The following TMEM185A variants were observed in gnomAD, a reference collection of about 807,000 sequenced individuals.
TMEM185A encodes family with sequence similarity 11, member A.
TMEM185A carries 9 observed loss-of-function variants against 25.0 expected under a neutral mutation model. The observed-to-expected ratio is 0.36, with a 90% CI of 0.22 to 0.63. The LOEUF is 0.63. TMEM185A is among the 20% of genes least tolerant of loss of function. The probability of loss-of-function intolerance (pLI) is 0.68; values close to 1 mark genes in which losing one functional copy is unlikely to be tolerated. For missense variants in TMEM185A, 103 were observed against 237.4 expected (o/e 0.43, Z 3.72); for synonymous variants, 45 against 93.5 (o/e 0.48, Z 2.99).
At chrX:149,619,734 T>C (rs1323971651) in intron 1 of TMEM185A, among the ~76,000 whole-genome samples, 1 of 108,019 alleles carries the variant, frequency 9.3e-6, no homozygotes, top group Non-Finnish European at 1.9e-5. Flanking sequence ...TTCCCATCTA[T>C]GAGTGAGAAC....
chrX:149,631,528 A>G lies in TMEM185A; in HGVS notation c.38+15T>C. 4 of 1,162,438 alleles carry G rather than the reference A, an allele frequency of 3.4e-6. No individual in the cohort carries two copies. The highest frequency in any genetic ancestry group is 4.6e-6 in the Non-Finnish European group (4 of 870,677). On this transcript the variant is annotated intron_variant, in intron 1 of 6. Coordinates refer to ENST00000600449, the MANE Select transcript of TMEM185A (RefSeq NM_032508.4). The stretch of plus-strand genomic sequence containing the variant: ...GCAGCGCGGACTCCCGGGGGCGCCA[A>G]CGACGCCGCCTCACCTCGGGTTGAA...
At chrX:149,602,409 C>T (rs1277123535) in intron 4 of TMEM185A, among the ~76,000 whole-genome samples, 1 of 112,479 alleles carries the variant, frequency 8.9e-6, no homozygotes, top group Admixed American at 9.4e-5. Flanking sequence ...AGTTGGCATA[C>T]GAATTTTACT....
intron 4 of TMEM185A, 61 bp downstream of exon 4, chrX:149,603,926 G>T: frequency 2.0e-6 from 2 of 988,431 alleles, no homozygotes; most frequent in Non-Finnish European, 2.8e-6. Context: ...TTTGTACAGT[G>T]AATATGAATT....
chrX:149,609,357 G>A (rs2090069569), intron 2 of TMEM185A, among the ~76,000 whole-genome samples: 1 of 112,616 alleles, frequency 8.9e-6, no homozygotes, highest in African/African-American at 3.2e-5. Context: ...AGTAACTATT[G>A]TTAGGTGCTA....
At chrX:149,630,328 C>A (rs2090184628) in intron 1 of TMEM185A, among the ~76,000 whole-genome samples, 1 of 110,229 alleles carries the variant, frequency 9.1e-6, no homozygotes, top group African/African-American at 3.3e-5. Context: ...CTAAAACTTC[C>A]TTTCATCCTC....
chrX:149,629,987 A>G, intron 1 of TMEM185A, among the ~76,000 whole-genome samples: 1 of 112,078 alleles, frequency 8.9e-6, no homozygotes, highest in East Asian at 2.8e-4. Flanking sequence ...CCAAGGGCAC[A>G]AAACAATTCA....
intron 3 of TMEM185A, among the ~76,000 whole-genome samples, chrX:149,606,575 C>A (rs1406528362): frequency 1.8e-5 from 2 of 112,146 alleles, no homozygotes; most frequent in Admixed American, 9.4e-5. Flanking sequence ...GGATCTGAAT[C>A]GCCACAGTCC....
chrX:149,630,221 C>T (rs1207438826), intron 1 of TMEM185A, among the ~76,000 whole-genome samples: 3 of 111,655 alleles, frequency 2.7e-5, no homozygotes, highest in Non-Finnish European at 5.6e-5. Flanking sequence ...AACATGAACT[C>T]AAAGTGGAAT....
At chrX:149,606,056 T>C (rs563535) in intron 3 of TMEM185A, among the ~76,000 whole-genome samples, 3,742 of 112,283 alleles carry the variant, frequency 0.033, 155 homozygotes, top group African/African-American at 0.11. Context: ...AAGTAGCCAC[T>C]AGAAAAAATA....
intron 4 of TMEM185A, among the ~76,000 whole-genome samples, chrX:149,603,268 C>T (rs1398487158): frequency 9.9e-5 from 11 of 111,062 alleles, no homozygotes; most frequent in Non-Finnish European, 1.7e-4. Context: ...ATGCCACCAC[C>T]AGCAAGAGTG....
rs781870356 is a variant in TMEM185A, at chrX:149,603,962, T to C, written c.507+25A>G. On this transcript the variant is annotated intron_variant, in intron 4 of 6. Coordinates refer to ENST00000600449, the MANE Select transcript of TMEM185A (RefSeq NM_032508.4). ...ACTTTTATAATAAAAAAGAACTTTA[T>C]TTAAGGATTTTAAAAGTTACATACA... 5.2e-6 allele frequency: 6 copies of C among 1,164,965 alleles called. No homozygotes were observed. In the South Asian group the frequency reaches 1.1e-4, roughly 22 times the overall value.
At chrX:149,608,078 T>C (rs782110495) in intron 3 of TMEM185A, among the ~76,000 whole-genome samples, 4 of 112,165 alleles carry the variant, frequency 3.6e-5, no homozygotes, top group African/African-American at 1.3e-4. Flanking sequence ...TTAACTCTCT[T>C]TATACATATA....
At chrX:149,620,731 G>A (rs1252510381) in intron 1 of TMEM185A, among the ~76,000 whole-genome samples, 1 of 112,329 alleles carries the variant, frequency 8.9e-6, no homozygotes, top group Non-Finnish European at 1.9e-5. Flanking sequence ...GTGGGAAACA[G>A]TCTGATAACC....
intron 3 of TMEM185A, among the ~76,000 whole-genome samples, chrX:149,605,493 A>T (rs77633525): frequency 1.2e-4 from 11 of 88,517 alleles, no homozygotes; most frequent in African/African-American, 3.5e-4. Context: ...ATGGCCTCCC[A>T]TGTCACTTTC....
chrX:149,607,918 T>C (rs1177535220), intron 3 of TMEM185A, among the ~76,000 whole-genome samples: 3 of 111,608 alleles, frequency 2.7e-5, no homozygotes, highest in Non-Finnish European at 3.8e-5. Flanking sequence ...TGCAATCAGG[T>C]GAAGGCCTTA....
intron 1 of TMEM185A, among the ~76,000 whole-genome samples, chrX:149,622,639 A>G (rs1356238768): frequency 8.9e-6 from 1 of 112,325 alleles, no homozygotes; most frequent in African/African-American, 3.2e-5. Flanking sequence ...TGTTAAAAAT[A>G]TTTGAGTGCC....
intron 1 of TMEM185A, among the ~76,000 whole-genome samples, chrX:149,628,303 T>C (rs1557356256): frequency 8.9e-6 from 1 of 111,749 alleles, no homozygotes; most frequent in African/African-American, 3.3e-5. Context: ...TGCTACCTAC[T>C]ACCAGATCCC....
At chrX:149,615,160 C>T (rs2090103839) in intron 1 of TMEM185A, among the ~76,000 whole-genome samples, 1 of 112,190 alleles carries the variant, frequency 8.9e-6, no homozygotes, top group Admixed American at 9.4e-5. Flanking sequence ...TGCAAGATTG[C>T]AATCTTGGAT....
intron 6 of TMEM185A, 94 bp downstream of exon 6, chrX:149,599,460 G>A: frequency 1.3e-6 from 1 of 759,911 alleles, no homozygotes; most frequent in Non-Finnish European, 2.0e-6. Flanking sequence ...GGCCCTCGGG[G>A]ACTCATCCCT....
Sources: allele counts gnomAD v4.1 joint callset (sites outside exome capture counted in the v4.1 genomes callset), GRCh38; gene constraint gnomAD v4.1.1; transcripts MANE v1.5; gene names NCBI Gene and HGNC (gene_info 2026-07-23, HGNC 2026-07-21).